Variants in LCLAT1 observed in about 807,000 individuals in gnomAD.
LCLAT1 encodes 1-AGP acyltransferase 8.
LCLAT1 carries 11 observed loss-of-function variants against 30.7 expected under a neutral mutation model. The ratio of observed to expected loss-of-function variants is 0.36; its 90% CI spans 0.23 to 0.59. The LOEUF (loss-of-function observed/expected upper bound fraction) is 0.59, where lower values mean the gene tolerates loss of function less well. Ranked by LOEUF, LCLAT1 falls within the 20% of genes least tolerant of loss-of-function variation. LCLAT1 has a pLI of 0.77. For synonymous variants in LCLAT1, 155 were observed against 151.3 expected (o/e 1.02, Z -0.18); for missense variants, 402 against 458.6 (o/e 0.88, Z 1.13).
chr2:30,532,677 A>T (rs1039145217), intron 2 of LCLAT1, among the ~76,000 whole-genome samples: 1 of 152,042 alleles, frequency 6.6e-6, no homozygotes, highest in Admixed American at 6.5e-5. Flanking sequence ...TTTTTAAAAC[A>T]TCATAGTACA....
chr2:30,634,224 T>C (rs1022755916), intron 5 of LCLAT1, among the ~76,000 whole-genome samples: 2 of 152,206 alleles, frequency 1.3e-5, no homozygotes, highest in Non-Finnish European at 2.9e-5. Flanking sequence ...CTTTATAAAA[T>C]ATTAAAATAT....
At chr2:30,480,027 A>G (rs774771349) in intron 1 of LCLAT1, among the ~76,000 whole-genome samples, 21 of 152,208 alleles carry the variant, frequency 1.4e-4, no homozygotes, top group African/African-American at 2.9e-4. Context: ...ATCTCATTAC[A>G]TCATAGAGAT....
At chr2:30,540,981 G>A (rs763688513) in intron 3 of LCLAT1, among the ~76,000 whole-genome samples, 1 of 152,014 alleles carries the variant, frequency 6.6e-6, no homozygotes, top group Non-Finnish European at 1.5e-5. Context: ...TTTTTTTAAA[G>A]GTAATGAGGC....
At chr2:30,613,483 G>T (rs1011909229) in intron 5 of LCLAT1, among the ~76,000 whole-genome samples, 12 of 151,908 alleles carry the variant, frequency 7.9e-5, no homozygotes, top group African/African-American at 2.9e-4. Context: ...GTAGGGGTGG[G>T]TTGCCCCTAC....
At chr2:30,520,024 CG>C (rs1297626920) in intron 1 of LCLAT1, among the ~76,000 whole-genome samples, 3 of 152,168 alleles carry the variant, frequency 2.0e-5, no homozygotes, top group African/African-American at 7.2e-5. Flanking sequence ...TGTTTCTGTG[CG>C]GCTAAGTGCG....
chr2:30,494,545 TACAC>T lies in LCLAT1; in HGVS notation c.-4-31037_-4-31034del, dbSNP rs924394914. ...CTATATTTTTGCATACATACATGCATACACACACGCATACGTGCATACACACATG... is the reference window on the plus strand; with the variant it reads ...CTATATTTTTGCATACATACATGCATACACGCATACGTGCATACACACATG... On this transcript the variant is annotated intron_variant, in intron 1 of 5. Transcript: ENST00000379509. Among the ~76,000 whole-genome samples the T allele has an allele frequency of 5.4e-4, 52 of 96,740 alleles. 1 individual carries two copies. In the Admixed American group the frequency reaches 6.1e-3, roughly 11 times the overall value. The allele number at this position is 96,740 out of a possible 152,430, so 63.5% of individuals were successfully genotyped here.
chr2:30,552,159 A>T (rs1664709240), intron 3 of LCLAT1, among the ~76,000 whole-genome samples: 1 of 152,216 alleles, frequency 6.6e-6, no homozygotes, highest in South Asian at 2.1e-4. Context: ...ACAGGAAGAA[A>T]TATCTCAGAT....
At chr2:30,508,062 C>T (rs577000637) in intron 1 of LCLAT1, among the ~76,000 whole-genome samples, 1 of 152,172 alleles carries the variant, frequency 6.6e-6, no homozygotes, top group Non-Finnish European at 1.5e-5. Flanking sequence ...GCTTTTTCCT[C>T]ATATGCTCGT....
Position 30,447,389 on chromosome 2 carries a change from A to C in LCLAT1, c.-5+6A>C, listed in dbSNP as rs1332225412. On this transcript the variant is annotated splice_donor_region_variant and intron_variant, in intron 1 of 5. Transcript: ENST00000379509. Reference sequence around the variant, plus strand: ...GCGTGCCCTGCTTGTCACAGGTGGGAGGCTGGAACTATCAGGTGGGGTTAC... The same window carrying C: ...GCGTGCCCTGCTTGTCACAGGTGGGCGGCTGGAACTATCAGGTGGGGTTAC... 1 of 152,240 alleles carries C rather than the reference A, an allele frequency of 6.6e-6. No homozygotes were observed. Among genetic ancestry groups the C allele is most frequent in the Non-Finnish European group, 1.5e-5 (1 of 68,178 alleles). 9.4% of individuals were successfully genotyped at this position (152,240 alleles called of 1,614,324 possible). A position where few individuals can be genotyped will look rare whatever the true frequency, so the allele number is the denominator to read the frequency against.
intron 5 of LCLAT1, among the ~76,000 whole-genome samples, chr2:30,581,127 A>G (rs1162642597): frequency 6.6e-6 from 1 of 152,164 alleles, no homozygotes; most frequent in Non-Finnish European, 1.5e-5. Flanking sequence ...GACCAAAACC[A>G]AGTTAAGAGC....
Position 30,521,489 on chromosome 2 carries a change from C to CTTT in LCLAT1, c.-4-4096_-4-4095insTTT, listed in dbSNP as rs1262784785. On this transcript the variant is annotated intron_variant, in intron 1 of 5. Transcript: ENST00000379509. Reference sequence around the variant, plus strand: ...GTTTCCTCAACCCCCTAAACTACTTCTTCTTTTTTTTTTTTTTTTTTTTTT... The same window carrying CTTT: ...GTTTCCTCAACCCCCTAAACTACTTCTTTTTCTTTTTTTTTTTTTTTTTTTTTT... 7.4e-4 allele frequency among the ~76,000 whole-genome samples: 41 copies of CTTT among 55,528 alleles called. 2 individuals are homozygous for CTTT. The highest frequency in any genetic ancestry group is 1.2e-3 in the South Asian group (2 of 1,738). 36.4% of individuals were successfully genotyped at this position (55,528 alleles called of 152,430 possible). A position where few individuals can be genotyped will look rare whatever the true frequency, so the allele number is the denominator to read the frequency against.
At position 30,640,729 on chromosome 2, in the gene LCLAT1, A is replaced by G. The variant is rs924952193; in HGVS notation, c.*110A>G. On this transcript the variant is annotated 3_prime_UTR_variant, in exon 6 of 6. Transcript: ENST00000379509. ...ACTATGTCGAATATTTCTTACTGCC[A>G]TCATTATTTGTTAAAGATATTTTGC... 1.6e-6 allele frequency: 2 copies of G among 1,279,118 alleles called. No individual in the cohort carries two copies. Among genetic ancestry groups the G allele is most frequent in the East Asian group, 2.4e-5 (1 of 41,478 alleles). The allele number at this position is 1,279,118 out of a possible 1,614,324, so 79.2% of individuals were successfully genotyped here.
intron 1 of LCLAT1, among the ~76,000 whole-genome samples, chr2:30,509,920 A>G (rs776831361): frequency 9.2e-5 from 14 of 152,182 alleles, no homozygotes; most frequent in Non-Finnish European, 1.8e-4. Flanking sequence ...TGGAAGCCAA[A>G]TGTGGCAGGG....
intron 2 of LCLAT1, among the ~76,000 whole-genome samples, chr2:30,526,224 C>T (rs1227722139): frequency 6.6e-6 from 1 of 152,074 alleles, no homozygotes; most frequent in Admixed American, 6.5e-5. Flanking sequence ...TATTCTCTCT[C>T]TCCTCATTTT....
intron 5 of LCLAT1, among the ~76,000 whole-genome samples, chr2:30,631,641 T>C (rs2148528674): frequency 6.6e-6 from 1 of 152,354 alleles, no homozygotes; most frequent in South Asian, 2.1e-4. Flanking sequence ...TTACTTTTCC[T>C]TTTATTTTTA....
At chr2:30,494,867 G>C (rs72856632) in intron 1 of LCLAT1, among the ~76,000 whole-genome samples, 1 of 150,674 alleles carries the variant, frequency 6.6e-6, no homozygotes, top group Non-Finnish European at 1.5e-5. Context: ...TTTCTGTTTG[G>C]GGGGTGGAGG....
intron 3 of LCLAT1, among the ~76,000 whole-genome samples, chr2:30,541,149 G>T (rs1367083837): frequency 6.6e-6 from 1 of 152,038 alleles, no homozygotes; most frequent in African/African-American, 2.4e-5. Context: ...TGGAACTACT[G>T]TTTTCATACA....
chr2:30,560,256 T>C (rs1384089107), intron 3 of LCLAT1, among the ~76,000 whole-genome samples: 1 of 151,868 alleles, frequency 6.6e-6, no homozygotes, highest in African/African-American at 2.4e-5. Flanking sequence ...TATTCTAGTT[T>C]GGACTTACCC....
rs1404022605 is a variant in LCLAT1 at position 30,584,117 on chromosome 2, A to G, written c.628+15941A>G. On this transcript the variant is annotated intron_variant, in intron 5 of 5. Transcript: ENST00000379509. ...TCAACTCCCACCTATGAGTGAGAACATGCAGTGTTTGTTTTTATTTCTATT... is the reference window on the plus strand; with the variant it reads ...TCAACTCCCACCTATGAGTGAGAACGTGCAGTGTTTGTTTTTATTTCTATT... Among the ~76,000 whole-genome samples, 8 of 152,154 alleles carry G rather than the reference A, an allele frequency of 5.3e-5. No individual in the cohort carries two copies. The South Asian group carries it at 1.5e-3, about 28-fold the overall frequency.
Sources: allele counts gnomAD v4.1 joint callset (sites outside exome capture counted in the v4.1 genomes callset), GRCh38; gene constraint gnomAD v4.1.1; transcripts MANE v1.5; gene names NCBI Gene and HGNC (gene_info 2026-07-23, HGNC 2026-07-21).